HACE1: variants seen among roughly 807,000 people sequenced by gnomAD.
HACE1 encodes HECT domain and ankyrin repeat containing E3 ubiquitin protein ligase 1.
A neutral mutation model predicts 118.4 loss-of-function variants in HACE1; 73 were observed. That is an observed-to-expected ratio of 0.62 (90% CI 0.51 to 0.75). The LOEUF (loss-of-function observed/expected upper bound fraction) is 0.75, where lower values mean the gene tolerates loss of function less well. Ranked by LOEUF, HACE1 falls within the 30% of genes least tolerant of loss-of-function variation. The pLI, the probability that HACE1 is intolerant of heterozygous loss-of-function variation, is 0.00. For missense variants in HACE1, 749 were observed against 1,102.2 expected (o/e 0.68, Z 4.54); for synonymous variants, 368 against 374.8 (o/e 0.98, Z 0.21).
In HACE1 at chr6:104,777,254, T is replaced by A. The variant is rs760145400; in HGVS notation, c.1630A>T (p.Met544Leu). Reference protein sequence around the residue: ...HLHSGQPDSDMVHRPVNENDI... With the variant: ...HLHSGQPDSDLVHRPVNENDI... Reference sequence around the variant, plus strand: ...TTTTCATTCACTGGCCTGTGCACCATATCTGAATCTGGCTGTCCTGAATGC... The same window carrying A: ...TTTTCATTCACTGGCCTGTGCACCAAATCTGAATCTGGCTGTCCTGAATGC... Residue 544 changes from methionine (M) to leucine (L), a missense_variant, in exon 15 of 24, where the codon ATG becomes TTG. Met to Leu is a conservative substitution (Grantham distance 15). This residue lies in a region of HACE1 where 195 missense variants were observed against 322.1 expected (regional missense o/e 0.61). Transcript: ENST00000262903. 4.3e-6 allele frequency: 7 copies of A among 1,613,704 alleles called. No homozygotes were observed. Among genetic ancestry groups the A allele is most frequent in the African/African-American group, 1.3e-5 (1 of 74,950 alleles).
At chr6:104,857,836 A>G (rs1432379174) in intron 1 of HACE1, among the ~76,000 whole-genome samples, 1 of 151,984 alleles carries the variant, frequency 6.6e-6, no homozygotes, top group Non-Finnish European at 1.5e-5. Context: ...AGGGGCCTGT[A>G]GTCCCAACTA....
intron 4 of HACE1, among the ~76,000 whole-genome samples, chr6:104,847,298 T>C (rs573524815): frequency 6.6e-6 from 1 of 152,322 alleles, no homozygotes; most frequent in African/African-American, 2.4e-5. Flanking sequence ...TATGATATTT[T>C]TCTACATGTA....
In HACE1 at chr6:104,791,582, T is replaced by C; in HGVS notation, c.996A>G (p.Arg332=). The change falls in exon 11 of 24, where the codon CGA becomes CGG. Residue 332 remains arginine (R), a synonymous_variant. Coordinates refer to ENST00000262903, the MANE Select transcript of HACE1 (RefSeq NM_020771.4). ...CATTACTGGGGGAGGATGGACCAAT[T>C]CGAAAGACGTGACAAAACATTCTCA... ...RIVRMFCHVF[R]IGPSSPSNGI... 1 of 1,611,478 alleles carries C rather than the reference T, an allele frequency of 6.2e-7. No individual in the cohort carries two copies. The highest frequency in any genetic ancestry group is 8.5e-7 in the Non-Finnish European group (1 of 1,177,680).
At position 104,859,643 on chromosome 6, in the gene HACE1, C is replaced by A. The variant is rs768217806; in HGVS notation, c.-1G>T. On this transcript the variant is annotated 5_prime_UTR_variant, in exon 1 of 24. Coordinates refer to ENST00000262903, the MANE Select transcript of HACE1 (RefSeq NM_020771.4). ...TGAGTTGCTCCATCGCTCTCTCCAT[C>A]CTCGGCGCGCCCTCCGCGATCCTCC... 72 of 1,532,146 alleles carry A rather than the reference C, an allele frequency of 4.7e-5. No individual in the cohort carries two copies. Among genetic ancestry groups the A allele is most frequent in the Non-Finnish European group, 3.4e-5 (39 of 1,142,970 alleles). 94.9% of individuals were successfully genotyped at this position (1,532,146 alleles called of 1,614,324 possible). A position where few individuals can be genotyped will look rare whatever the true frequency, so the allele number is the denominator to read the frequency against.
At chr6:104,857,637 A>G (rs1582810079) in intron 1 of HACE1, among the ~76,000 whole-genome samples, 1 of 151,746 alleles carries the variant, frequency 6.6e-6, no homozygotes, top group East Asian at 1.9e-4. Flanking sequence ...GAAGTCATTA[A>G]GCCTATTGAA....
At chr6:104,800,378 C>A (rs1432389562) in intron 7 of HACE1, among the ~76,000 whole-genome samples, 1 of 152,190 alleles carries the variant, frequency 6.6e-6, no homozygotes, top group South Asian at 2.1e-4. Context: ...CCCACCACAG[C>A]CTTTGAGCTC....
At chr6:104,835,564 G>C (rs912144025) in intron 5 of HACE1, among the ~76,000 whole-genome samples, 3 of 151,560 alleles carry the variant, frequency 2.0e-5, no homozygotes, top group Non-Finnish European at 4.4e-5. Context: ...GAAAAAGTAG[G>C]AAAATTAAAG....
intron 1 of HACE1, among the ~76,000 whole-genome samples, chr6:104,855,844 G>T (rs1389913059): frequency 6.6e-6 from 1 of 152,138 alleles, no homozygotes; most frequent in African/African-American, 2.4e-5. Context: ...TTTAAATCAA[G>T]ATAGTGCATA....
rs200884670 is a variant in HACE1, at chr6:104,795,681, C to T, written c.821G>A (p.Arg274Gln). The T allele has an allele frequency of 4.4e-6, 7 of 1,598,564 alleles. No homozygotes were observed. The highest frequency in any genetic ancestry group is 4.5e-5 in the East Asian group (2 of 44,724). ...CTGAGACAAATGCTCCAGAACTTGCCGTAACTAAATTTTTTACAAATAAAA... is the reference window on the plus strand; with the variant it reads ...CTGAGACAAATGCTCCAGAACTTGCTGTAACTAAATTTTTTACAAATAAAA... Reference protein sequence around the residue: ...QNEDLRENMLRQVLEHLSQQS... With the variant: ...QNEDLRENMLQQVLEHLSQQS... The change falls in exon 10 of 24, where the codon CGG (arginine) becomes CAG (glutamine). Residue 274 changes from arginine to glutamine, a missense_variant. Physicochemically the swap from Arg to Gln is conservative, Grantham distance 43. Transcript: ENST00000262903.
intron 19 of HACE1, among the ~76,000 whole-genome samples, chr6:104,770,365 G>A (rs1780478629): frequency 6.6e-6 from 1 of 152,060 alleles, no homozygotes; most frequent in Non-Finnish European, 1.5e-5. Context: ...ACTTTGAACA[G>A]TGAAATTTAA....
intron 11 of HACE1, chr6:104,786,436 A>T (rs1782402583): frequency 1.3e-5 from 2 of 151,322 alleles, no homozygotes; most frequent in Non-Finnish European, 2.9e-5. Context: ...GAGAGAATAA[A>T]CTATTTCCTA....
chr6:104,836,260 T>A (rs995690648), intron 5 of HACE1, among the ~76,000 whole-genome samples: 1 of 152,086 alleles, frequency 6.6e-6, no homozygotes, highest in Non-Finnish European at 1.5e-5. Flanking sequence ...CTTCAAGACA[T>A]AATCAAGCAC....
intron 7 of HACE1, among the ~76,000 whole-genome samples, chr6:104,810,210 C>A (rs1771450227): frequency 6.6e-6 from 1 of 152,010 alleles, no homozygotes; most frequent in South Asian, 2.1e-4. Flanking sequence ...GCAACCAAAT[C>A]ATAAATATAA....
intron 17 of HACE1, among the ~76,000 whole-genome samples, chr6:104,774,748 T>C (rs543624859): frequency 2.6e-5 from 4 of 152,138 alleles, no homozygotes; most frequent in South Asian, 2.1e-4. Flanking sequence ...GGCCCCAAGA[T>C]TGTATCAAAA....
chr6:104,742,858 C>A (rs1417494449), intron 22 of HACE1, among the ~76,000 whole-genome samples: 4 of 152,098 alleles, frequency 2.6e-5, no homozygotes, highest in African/African-American at 9.6e-5. Context: ...AAGACACATG[C>A]ACACATATGT....
intron 7 of HACE1, 150 bp from the exon 8 acceptor site, chr6:104,797,175 T>C: frequency 2.0e-6 from 1 of 503,446 alleles, no homozygotes; most frequent in South Asian, 2.0e-5. Context: ...TCACAAAAAC[T>C]TTCTCAATGT....
chr6:104,859,477 T>G, intron 1 of HACE1, 90 bp downstream of exon 1: 1 of 1,016,928 alleles, frequency 9.8e-7, no homozygotes, highest in Non-Finnish European at 1.4e-6. Flanking sequence ...TTTCAGTTAG[T>G]TTTTCCACCC....
chr6:104,830,302 C>T (rs542142351), intron 6 of HACE1, among the ~76,000 whole-genome samples: 13 of 152,160 alleles, frequency 8.5e-5, no homozygotes, highest in African/African-American at 1.7e-4. Flanking sequence ...ACATAGAATA[C>T]GTTTTAAATT....
chr6:104,736,215 A>C (rs1454765928), intron 22 of HACE1, among the ~76,000 whole-genome samples: 2 of 151,832 alleles, frequency 1.3e-5, no homozygotes, highest in African/African-American at 2.4e-5. Context: ...AAAACAAAAA[A>C]AAGTTTTTCT....
Sources: allele counts gnomAD v4.1 joint callset (sites outside exome capture counted in the v4.1 genomes callset), GRCh38; gene constraint gnomAD v4.1.1; regional missense constraint gnomAD v4.1.1; transcripts MANE v1.5; gene names NCBI Gene and HGNC (gene_info 2026-07-23, HGNC 2026-07-21).